SLIT3: variants seen among roughly 807,000 people sequenced by gnomAD.
SLIT3 encodes slit guidance ligand 3, also known as slit homolog 3 protein.
Under a neutral mutation model 184.0 loss-of-function variants are expected in SLIT3, and 68 were observed. That is an observed-to-expected ratio of 0.37 (90% CI 0.30 to 0.45). The LOEUF (loss-of-function observed/expected upper bound fraction) is 0.45. SLIT3 is among the 20% of genes least tolerant of loss of function. The pLI, the probability that SLIT3 is intolerant of heterozygous loss-of-function variation, is 1.00. For synonymous variants in SLIT3, 831 were observed against 828.6 expected, an observed-to-expected ratio of 1.00 and a Z score of -0.05; for missense variants, 1,707 against 2,026.0, an observed-to-expected ratio of 0.84 and a Z score of 3.02.
At chr5:168,850,622 T>A (rs1758634284) in intron 5 of SLIT3, among the ~76,000 whole-genome samples, 1 of 152,246 alleles carries the variant, frequency 6.6e-6, no homozygotes, top group African/African-American at 2.4e-5. Flanking sequence ...AGTCCTAGGT[T>A]AATTAAGCTC....
chr5:169,051,986 C>G (rs1169617458), intron 4 of SLIT3, among the ~76,000 whole-genome samples: 1 of 152,168 alleles, frequency 6.6e-6, no homozygotes, highest in Non-Finnish European at 1.5e-5. Flanking sequence ...GAAAACTTCA[C>G]AGGACCAGAA....
At chr5:168,890,065 G>C (rs1446143229) in intron 4 of SLIT3, among the ~76,000 whole-genome samples, 1 of 151,328 alleles carries the variant, frequency 6.6e-6, no homozygotes. Flanking sequence ...GCTTGAACCC[G>C]GGAGCGGGAG....
At chr5:168,842,753 C>A (rs1245374135) in intron 6 of SLIT3, among the ~76,000 whole-genome samples, 1 of 152,192 alleles carries the variant, frequency 6.6e-6, no homozygotes, top group Non-Finnish European at 1.5e-5. Flanking sequence ...TAAGACAACA[C>A]CGTTCCTAGC....
At chr5:168,861,234 CT>C (rs1759090188) in intron 5 of SLIT3, among the ~76,000 whole-genome samples, 1 of 152,186 alleles carries the variant, frequency 6.6e-6, no homozygotes, top group South Asian at 2.1e-4. Context: ...TTAGGTGTAT[CT>C]CCTAATGCTT....
Position 169,080,866 on chromosome 5 carries a change from G to A in SLIT3, c.413+112613C>T, listed in dbSNP as rs58374695. Among the ~76,000 whole-genome samples, 1,486 of 152,176 alleles carry A rather than the reference G, an allele frequency of 9.8e-3. 20 individuals are homozygous for A. The highest frequency in any genetic ancestry group is 0.034 in the African/African-American group (1,399 of 41,492). The stretch of plus-strand genomic sequence containing the variant: ...AGAACCACTGCTCTGGAGAGCATTT[G>A]TGCTTGGCTTCTCTGAACAACCATT... On this transcript the variant is annotated intron_variant, in intron 4 of 35. Transcript: ENST00000519560.
At chr5:168,883,683 C>T (rs905676078) in intron 4 of SLIT3, among the ~76,000 whole-genome samples, 6 of 151,274 alleles carry the variant, frequency 4.0e-5, no homozygotes, top group African/African-American at 1.2e-4. Flanking sequence ...GCCCCCCATC[C>T]CCCCAACCCC....
intron 4 of SLIT3, among the ~76,000 whole-genome samples, chr5:169,097,618 C>CAA (rs1759836661): frequency 1.4e-5 from 2 of 145,138 alleles, no homozygotes; most frequent in African/African-American, 2.6e-5. Context: ...GTTTATTCTA[C>CAA]GAAGAGTAGT....
intron 4 of SLIT3, among the ~76,000 whole-genome samples, chr5:169,181,851 G>A (rs1389670394): frequency 1.3e-5 from 2 of 152,146 alleles, no homozygotes; most frequent in Non-Finnish European, 2.9e-5. Flanking sequence ...TTAGTCATAG[G>A]TTATCCTTGT....
At chr5:168,896,252 C>G (rs1444668690) in intron 4 of SLIT3, among the ~76,000 whole-genome samples, 1 of 152,172 alleles carries the variant, frequency 6.6e-6, no homozygotes, top group African/African-American at 2.4e-5. Context: ...AGCTTTGTCA[C>G]TTGCTTGACT....
At chr5:168,925,583 C>T (rs1277793505) in intron 4 of SLIT3, among the ~76,000 whole-genome samples, 1 of 151,924 alleles carries the variant, frequency 6.6e-6, no homozygotes, top group Non-Finnish European at 1.5e-5. Context: ...TCTAGCATTC[C>T]CATCTCTGCA....
chr5:168,904,124 A>T (rs1760965547), intron 4 of SLIT3, among the ~76,000 whole-genome samples: 2 of 152,164 alleles, frequency 1.3e-5, no homozygotes, highest in African/African-American at 4.8e-5. Context: ...CGCCCTCCTC[A>T]TTCTCACTCC....
At chr5:168,870,988 T>C (rs1759496376) in intron 5 of SLIT3, among the ~76,000 whole-genome samples, 1 of 152,214 alleles carries the variant, frequency 6.6e-6, no homozygotes, top group African/African-American at 2.4e-5. Flanking sequence ...TACCACAAAC[T>C]GAGCGTCTTA....
At position 169,055,883 on chromosome 5, in the gene SLIT3, GT is replaced by G. The variant is rs1047320960; in HGVS notation, c.413+137595del. ...AAGAAGGAAGTTGGAGAAGTAGACA[GT>G]GTTCAAAACAGGGAGGGCTGTGTTG... On this transcript the variant is annotated intron_variant, in intron 4 of 35. Transcript: ENST00000519560. Among the ~76,000 whole-genome samples, 15 of 152,082 alleles carry G rather than the reference GT, an allele frequency of 9.9e-5. No homozygotes were observed. The South Asian group carries it at 1.0e-3, about 11-fold the overall frequency.
chr5:169,057,635 C>T (rs940903606), intron 4 of SLIT3, among the ~76,000 whole-genome samples: 13 of 152,310 alleles, frequency 8.5e-5, no homozygotes, highest in African/African-American at 2.6e-4. Flanking sequence ...GGTCTGGACA[C>T]GGCACTGGCC....
chr5:168,894,633 A>C (rs1760597554), intron 4 of SLIT3, among the ~76,000 whole-genome samples: 1 of 152,226 alleles, frequency 6.6e-6, no homozygotes, highest in Non-Finnish European at 1.5e-5. Context: ...AGCTAAGCTG[A>C]GGCGTGGGAA....
At chr5:169,041,053 A>G (rs1343441648) in intron 4 of SLIT3, among the ~76,000 whole-genome samples, 1 of 152,226 alleles carries the variant, frequency 6.6e-6, no homozygotes, top group Non-Finnish European at 1.5e-5. Context: ...AATATTCCAC[A>G]TTTGTCACTG....
intron 4 of SLIT3, among the ~76,000 whole-genome samples, chr5:168,962,786 A>T (rs1304086893): frequency 2.0e-5 from 3 of 151,896 alleles, no homozygotes; most frequent in Non-Finnish European, 4.4e-5. Flanking sequence ...TAGCTCTTAG[A>T]CTCACTAAGC....
intron 4 of SLIT3, among the ~76,000 whole-genome samples, chr5:168,961,067 T>TC (rs1483490436): frequency 1.3e-5 from 2 of 152,018 alleles, no homozygotes; most frequent in Non-Finnish European, 2.9e-5. Flanking sequence ...ATCTCTAACA[T>TC]CCCCTCCAGC....
At chr5:168,944,409 T>C (rs1215930697) in intron 4 of SLIT3, among the ~76,000 whole-genome samples, 1 of 152,212 alleles carries the variant, frequency 6.6e-6, no homozygotes, top group Non-Finnish European at 1.5e-5. Flanking sequence ...TGCAGACTTC[T>C]GAAGGCGTAG....
Sources: gnomAD v4.1 joint callset for allele counts (sites outside exome capture counted in the v4.1 genomes callset) on GRCh38, gnomAD v4.1.1 for gene constraint, MANE v1.5 for transcripts, NCBI Gene and HGNC (gene_info 2026-07-23, HGNC 2026-07-21) for gene names.